Variants in GSG1L observed in about 807,000 individuals in gnomAD.
GSG1L encodes the protein germ cell-specific gene 1-like protein.
Under a neutral mutation model 42.1 loss-of-function variants are expected in GSG1L, and 24 were observed. The ratio of observed to expected loss-of-function variants is 0.57; its 90% CI spans 0.41 to 0.80. The LOEUF is 0.80. Among genes scored for constraint, GSG1L ranks in the 30% least tolerant of loss-of-function variants. GSG1L has a pLI of 0.00. For missense variants in GSG1L, 445 were observed against 472.2 expected, an observed-to-expected ratio of 0.94 and a Z score of 0.53; for synonymous variants, 215 against 203.5, an observed-to-expected ratio of 1.06 and a Z score of -0.48.
At chr16:27,862,809 G>T (rs960987847) in intron 3 of GSG1L, among the ~76,000 whole-genome samples, 2 of 152,162 alleles carry the variant, frequency 1.3e-5, no homozygotes, top group African/African-American at 2.4e-5. Flanking sequence ...ACAGACACAC[G>T]CATGACACAG....
intron 1 of GSG1L, among the ~76,000 whole-genome samples, chr16:28,004,134 G>C (rs549334934): frequency 6.6e-6 from 1 of 152,160 alleles, no homozygotes; most frequent in Admixed American, 6.5e-5. Flanking sequence ...GGTGGTGAGT[G>C]GGGGCTGAGT....
intron 1 of GSG1L, among the ~76,000 whole-genome samples, chr16:28,034,132 C>A (rs1438992949): frequency 6.6e-6 from 1 of 151,068 alleles, no homozygotes; most frequent in Non-Finnish European, 1.5e-5. Context: ...CCCATCCCAT[C>A]CCATCCCAGC....
At chr16:27,940,879 TA>T (rs1168489118) in intron 2 of GSG1L, among the ~76,000 whole-genome samples, 1 of 148,616 alleles carries the variant, frequency 6.7e-6, no homozygotes, top group Non-Finnish European at 1.5e-5. Context: ...TAAAATAAAA[TA>T]AAAATAAAAA....
rs1231645464 is a variant in GSG1L at position 27,807,467 on chromosome 16, C to G, written c.898+20G>C. Reference sequence around the variant, plus strand: ...GCCCATGAATCTGTCGTAGCAGATACCCACAAACAGGCCACTTACGGGCAG... The same window carrying G: ...GCCCATGAATCTGTCGTAGCAGATAGCCACAAACAGGCCACTTACGGGCAG... On this transcript the variant is annotated intron_variant, in intron 6 of 6. Transcript: ENST00000447459. The G allele has an allele frequency of 1.9e-6, 3 of 1,606,838 alleles. No homozygotes were observed. The highest frequency in any genetic ancestry group is 2.6e-6 in the Non-Finnish European group (3 of 1,174,842).
chr16:28,005,420 C>A lies in GSG1L; in HGVS notation c.350-42217G>T, dbSNP rs538459375. 9.2e-5 allele frequency among the ~76,000 whole-genome samples: 14 copies of A among 152,294 alleles called. No homozygotes were observed. In the South Asian group the frequency reaches 2.9e-3, roughly 32 times the overall value. On this transcript the variant is annotated intron_variant, in intron 1 of 6. Coordinates refer to ENST00000447459, the MANE Select transcript of GSG1L (RefSeq NM_001109763.2). Reference sequence around the variant, plus strand: ...AGCCTGTCTCCCTGACTTGTAGATGCCACCTTCCCATCCACATGGCATTCT... The same window carrying A: ...AGCCTGTCTCCCTGACTTGTAGATGACACCTTCCCATCCACATGGCATTCT...
At chr16:28,053,545 G>A (rs1286251945) in intron 1 of GSG1L, among the ~76,000 whole-genome samples, 5 of 152,258 alleles carry the variant, frequency 3.3e-5, no homozygotes, top group Admixed American at 2.0e-4. Flanking sequence ...CCACTCCCCC[G>A]GGGCTGAGGC....
rs557443110 is a variant in GSG1L at position 27,804,037 on chromosome 16, GGATAGATAGATA to G, written c.898+3438_898+3449del. Among the ~76,000 whole-genome samples the G allele has an allele frequency of 1.9e-3, 251 of 132,762 alleles. 2 individuals are homozygous for G. The highest frequency in any genetic ancestry group is 0.019 in the South Asian group (78 of 4,178). 87.1% of individuals were successfully genotyped at this position (132,762 alleles called of 152,430 possible). ...TGATGGATGAATAGATAGATTAGAT[GGATAGATAGATA>G]GATAGATAGATAGATAGATAGATAG... On this transcript the variant is annotated intron_variant, in intron 6 of 6. Transcript: ENST00000447459.
In GSG1L at chr16:27,788,704, C is replaced by T. The variant is rs1472237259; in HGVS notation, c.*2666G>A. On this transcript the variant is annotated 3_prime_UTR_variant, in exon 7 of 7. Coordinates refer to ENST00000447459, the MANE Select transcript of GSG1L (RefSeq NM_001109763.2). Reference sequence around the variant, plus strand: ...ACAGCTCCCACAGCCCCGATTTCCCCTTGTTGTCCTGTTAGTAAACACCCA... The same window carrying T: ...ACAGCTCCCACAGCCCCGATTTCCCTTTGTTGTCCTGTTAGTAAACACCCA... 1 of 152,260 alleles carries T rather than the reference C, an allele frequency of 6.6e-6. No homozygotes were observed. The highest frequency in any genetic ancestry group is 1.5e-5 in the Non-Finnish European group (1 of 68,054). 9.4% of individuals were successfully genotyped at this position (152,260 alleles called of 1,614,324 possible).
rs898425305 is a variant in GSG1L at position 27,917,036 on chromosome 16, G to A, written c.398-32398C>T. ...AAATCCACACACAGCAAGTGCAAAG[G>A]CCTGAGGTGGGAGCAAGCTTGCTTC... On this transcript the variant is annotated intron_variant, in intron 2 of 6. Transcript: ENST00000447459. 2.0e-5 allele frequency among the ~76,000 whole-genome samples: 3 copies of A among 152,166 alleles called. No homozygotes were observed. The East Asian group carries it at 5.8e-4, about 29-fold the overall frequency.
intron 1 of GSG1L, among the ~76,000 whole-genome samples, chr16:27,979,166 A>T (rs1232688838): frequency 2.6e-5 from 4 of 151,924 alleles, no homozygotes; most frequent in African/African-American, 9.7e-5. Flanking sequence ...GGATTCAAAC[A>T]AGCCAGGCAT....
intron 1 of GSG1L, among the ~76,000 whole-genome samples, chr16:28,058,146 G>A (rs4788030): frequency 0.16 from 24,635 of 152,138 alleles, 2,348 homozygotes; most frequent in Middle Eastern, 0.21. Flanking sequence ...AGACTGAGGA[G>A]CAGCACAGCA....
intron 1 of GSG1L, among the ~76,000 whole-genome samples, chr16:28,044,626 T>A (rs903366227): frequency 1.7e-3 from 260 of 148,828 alleles, no homozygotes; most frequent in East Asian, 0.013. Flanking sequence ...ACGAATGCTT[T>A]TTTTTTTTTT....
At chr16:27,829,528 C>T (rs911326429) in intron 4 of GSG1L, among the ~76,000 whole-genome samples, 5 of 152,104 alleles carry the variant, frequency 3.3e-5, no homozygotes, top group Admixed American at 1.3e-4. Flanking sequence ...AGATGCCAAC[C>T]CTTTCTGTTT....
rs1338511209 is a variant in GSG1L, at chr16:27,963,191, C to T, written c.362G>A (p.Arg121His). Reference sequence around the variant, plus strand: ...TGCCGGGGCCAGGTCAATGAAGCTGCGACATTTTTCACCTTTGAAAAGAAG... The same window carrying T: ...TGCCGGGGCCAGGTCAATGAAGCTGTGACATTTTTCACCTTTGAAAAGAAG... Reference protein sequence around the residue: ...EELSGLGEKCRSFIDLAPASE... With the variant: ...EELSGLGEKCHSFIDLAPASE... Residue 121 changes from arginine to histidine, a missense_variant, in exon 2 of 7, where the codon CGC (arginine) becomes CAC (histidine). This residue lies in a region of GSG1L where 149 missense variants were observed against 223.3 expected (regional missense o/e 0.67). Coordinates refer to ENST00000447459, the MANE Select transcript of GSG1L (RefSeq NM_001109763.2). 6 of 1,613,868 alleles carry T rather than the reference C, an allele frequency of 3.7e-6. No individual in the cohort carries two copies. Among genetic ancestry groups the T allele is most frequent in the Admixed American group, 1.7e-5 (1 of 60,020 alleles).
In GSG1L at chr16:27,899,647, G is replaced by A. The variant is rs1024703208; in HGVS notation, c.398-15009C>T. Among the ~76,000 whole-genome samples, 4 of 152,268 alleles carry A rather than the reference G, an allele frequency of 2.6e-5. No individual in the cohort carries two copies. In the South Asian group the frequency reaches 6.2e-4, roughly 24 times the overall value. On this transcript the variant is annotated intron_variant, in intron 2 of 6. Coordinates refer to ENST00000447459, the MANE Select transcript of GSG1L (RefSeq NM_001109763.2). ...CAGGAGAATTGCTTGAGCTCGGGAGGTTGAAGCTACAGTGAGCTATGATTG... is the reference window on the plus strand; with the variant it reads ...CAGGAGAATTGCTTGAGCTCGGGAGATTGAAGCTACAGTGAGCTATGATTG...
intron 6 of GSG1L, among the ~76,000 whole-genome samples, chr16:27,803,790 T>G (rs140381620): frequency 0.24 from 26,312 of 109,756 alleles, 3,007 homozygotes; most frequent in East Asian, 0.43. Flanking sequence ...TATATATATA[T>G]ATATAGATAG....
At chr16:27,904,740 C>A (rs1039100233) in intron 2 of GSG1L, among the ~76,000 whole-genome samples, 1 of 152,182 alleles carries the variant, frequency 6.6e-6, no homozygotes, top group African/African-American at 2.4e-5. Context: ...CTTTCCCCAC[C>A]TCTGATGGAA....
At chr16:27,998,045 T>G (rs1257692894) in intron 1 of GSG1L, among the ~76,000 whole-genome samples, 2 of 151,926 alleles carry the variant, frequency 1.3e-5, no homozygotes, top group Non-Finnish European at 2.9e-5. Flanking sequence ...TTAGTAGAGA[T>G]GGGGCTTCAC....
At chr16:27,916,473 A>T (rs1430207399) in intron 2 of GSG1L, among the ~76,000 whole-genome samples, 1 of 138,482 alleles carries the variant, frequency 7.2e-6, no homozygotes, top group African/African-American at 2.7e-5. Context: ...CATGCCAGCT[A>T]ATATTTTTAA....
Sources: allele counts gnomAD v4.1 joint callset (sites outside exome capture counted in the v4.1 genomes callset), GRCh38; gene constraint gnomAD v4.1.1; regional missense constraint gnomAD v4.1.1; transcripts MANE v1.5; gene names NCBI Gene and HGNC (gene_info 2026-07-23, HGNC 2026-07-21).